The following RASGEF1A variants were observed in gnomAD, a reference collection of about 807,000 sequenced individuals.
RASGEF1A encodes the protein ras-GEF domain-containing family member 1A.
In RASGEF1A, 18 loss-of-function variants were observed where a neutral mutation model predicts 56.4. That is an observed-to-expected ratio of 0.32 (90% confidence interval 0.22 to 0.47). The LOEUF is 0.47. Ranked by LOEUF, RASGEF1A falls within the 20% of genes least tolerant of loss-of-function variation. The pLI is 1.00. For synonymous variants in RASGEF1A, 245 were observed against 242.6 expected (o/e 1.01, Z -0.09); for missense variants, 422 against 627.1 (o/e 0.67, Z 3.49).
At chr10:43,232,484 G>C (rs1172165845) in intron 1 of RASGEF1A, among the ~76,000 whole-genome samples, 3 of 123,914 alleles carry the variant, frequency 2.4e-5, no homozygotes, top group Non-Finnish European at 5.1e-5. Flanking sequence ...CCAGTCTCCG[G>C]CTTTTTTTTT....
At chr10:43,232,766 C>A (rs1372423386) in intron 1 of RASGEF1A, among the ~76,000 whole-genome samples, 1 of 152,190 alleles carries the variant, frequency 6.6e-6, no homozygotes, top group Non-Finnish European at 1.5e-5. Context: ...GGATTACAGG[C>A]ATGAGCCACC....
chr10:43,263,735 G>A (rs1224530550), intron 1 of RASGEF1A, among the ~76,000 whole-genome samples: 1 of 152,198 alleles, frequency 6.6e-6, no homozygotes, highest in Admixed American at 6.5e-5. Context: ...GTGGGGAGAA[G>A]CTTCCCAGAA....
chr10:43,205,926 T>A lies in RASGEF1A; in HGVS notation c.191A>T (p.Tyr64Phe), dbSNP rs1789455154. Residue 64 changes from tyrosine (Y) to phenylalanine (F), a missense_variant, in exon 2 of 13, where the codon TAC becomes TTC. Transcript: ENST00000395810. ...MEHLVPTVDY[Y>F]PDRTYIFTFL... ...AAGGCCCCACGTACTCACATCGGGG[T>A]AATAGTCCACCGTGGGAACAAGGTG... 1 of 1,612,284 alleles carries A rather than the reference T, an allele frequency of 6.2e-7. No homozygotes were observed. The highest frequency in any genetic ancestry group is 1.3e-5 in the African/African-American group (1 of 74,970).
At chr10:43,209,175 G>T in intron 1 of RASGEF1A, 3 of 985,486 alleles carry the variant, frequency 3.0e-6, no homozygotes, top group Non-Finnish European at 3.6e-6. Context: ...CACAGCAATA[G>T]CCATCATGAT....
chr10:43,212,497 G>T (rs139326939), intron 1 of RASGEF1A, among the ~76,000 whole-genome samples: 2 of 152,278 alleles, frequency 1.3e-5, no homozygotes, highest in Non-Finnish European at 2.9e-5. Flanking sequence ...CCACATGTGG[G>T]CCAGGCCTCC....
At chr10:43,211,105 C>T (rs1328101690) in intron 1 of RASGEF1A, among the ~76,000 whole-genome samples, 2 of 152,200 alleles carry the variant, frequency 1.3e-5, no homozygotes, top group Non-Finnish European at 2.9e-5. Context: ...GCAGAAGAAA[C>T]GTGCTTATAG....
chr10:43,266,139 T>C (rs1211091131), intron 1 of RASGEF1A, among the ~76,000 whole-genome samples: 1 of 152,170 alleles, frequency 6.6e-6, no homozygotes, highest in Non-Finnish European at 1.5e-5. Context: ...CACAGGAACC[T>C]GCCAGCGCGT....
In RASGEF1A at chr10:43,227,168, C is replaced by T. The variant is rs554699761; in HGVS notation, c.-6-21046G>A. ...CACTCACCAGCAGTTCCCTGGAGGG[C>T]GAGGTCCAAGAGCCCAAAGGTGTGG... On this transcript the variant is annotated intron_variant, in intron 1 of 12. Coordinates refer to ENST00000395810, the MANE Select transcript of RASGEF1A (RefSeq NM_145313.4). 7.2e-5 allele frequency among the ~76,000 whole-genome samples: 11 copies of T among 152,296 alleles called. No individual in the cohort carries two copies. The South Asian group carries it at 1.4e-3, about 20-fold the overall frequency.
chr10:43,231,312 C>T (rs190989324), intron 1 of RASGEF1A, among the ~76,000 whole-genome samples: 118 of 152,364 alleles, frequency 7.7e-4, no homozygotes, highest in Non-Finnish European at 1.4e-3. Context: ...TGGTGTCTTG[C>T]CCCTGGGGAA....
In RASGEF1A at chr10:43,252,636, T is replaced by C. The variant is rs572105527; in HGVS notation, c.-7+14209A>G. Among the ~76,000 whole-genome samples, 4 of 152,222 alleles carry C rather than the reference T, an allele frequency of 2.6e-5. No individual in the cohort carries two copies. In the East Asian group the frequency reaches 7.7e-4, roughly 29 times the overall value. On this transcript the variant is annotated intron_variant, in intron 1 of 12. Coordinates refer to ENST00000395810, the MANE Select transcript of RASGEF1A (RefSeq NM_145313.4). ...TGACTGTGAGGCAGACACAGTGCAC[T>C]TTCTTTTCTGAAGGTCTGATTTCCC... is the stretch of plus-strand genomic sequence containing the variant.
intron 1 of RASGEF1A, among the ~76,000 whole-genome samples, chr10:43,240,516 A>G (rs555257622): frequency 6.6e-6 from 1 of 152,336 alleles, no homozygotes; most frequent in Admixed American, 6.5e-5. Flanking sequence ...ATATCAATAA[A>G]GGAATACAAA....
intron 1 of RASGEF1A, among the ~76,000 whole-genome samples, chr10:43,251,439 G>C (rs1249372995): frequency 6.6e-6 from 1 of 152,200 alleles, no homozygotes. Context: ...GCTGGAGCAG[G>C]AACAGTGTGG....
At chr10:43,233,856 ACCAAGCATC>A (rs1332752091) in intron 1 of RASGEF1A, among the ~76,000 whole-genome samples, 1 of 152,204 alleles carries the variant, frequency 6.6e-6, no homozygotes, top group Non-Finnish European at 1.5e-5. Flanking sequence ...CTGAAAATGA[ACCAAGCATC>A]CCCCACAGGG....
At chr10:43,203,464 G>A (rs1255172562) in intron 2 of RASGEF1A, 44 bp from the exon 3 acceptor site, 4 of 1,472,730 alleles carry the variant, frequency 2.7e-6, no homozygotes, top group Non-Finnish European at 1.8e-6. Context: ...GGGTGAGGCA[G>A]GCCCCCGGGG....
At chr10:43,202,424 A>G (rs574713269) in intron 3 of RASGEF1A, among the ~76,000 whole-genome samples, 35 of 151,952 alleles carry the variant, frequency 2.3e-4, no homozygotes, top group African/African-American at 8.4e-4. Context: ...CACAGGGCCT[A>G]GGGCATGGGG....
intron 1 of RASGEF1A, among the ~76,000 whole-genome samples, chr10:43,217,610 G>A (rs1252814738): frequency 6.6e-6 from 1 of 152,238 alleles, no homozygotes; most frequent in Non-Finnish European, 1.5e-5. Flanking sequence ...GCAGGCAAGT[G>A]ACACCTGCCT....
chr10:43,253,971 C>T (rs992728068), intron 1 of RASGEF1A, among the ~76,000 whole-genome samples: 4 of 152,226 alleles, frequency 2.6e-5, no homozygotes, highest in African/African-American at 4.8e-5. Context: ...AGGGCTCACC[C>T]GGCAGTGCCC....
intron 1 of RASGEF1A, among the ~76,000 whole-genome samples, chr10:43,265,822 C>T (rs1391844247): frequency 2.0e-5 from 3 of 152,176 alleles, no homozygotes; most frequent in Non-Finnish European, 4.4e-5. Flanking sequence ...CCGGAGGGGG[C>T]GGGAGAACCC....
chr10:43,208,001 T>G (rs1420665074), intron 1 of RASGEF1A: 3 of 962,458 alleles, frequency 3.1e-6, no homozygotes, highest in Non-Finnish European at 3.7e-6. Context: ...CATTCACCTG[T>G]GTATCCTATC....
Sources: allele counts gnomAD v4.1 joint callset (sites outside exome capture counted in the v4.1 genomes callset), GRCh38; gene constraint gnomAD v4.1.1; transcripts MANE v1.5; gene names NCBI Gene and HGNC (gene_info 2026-07-23, HGNC 2026-07-21).